C8orf34: variants seen among roughly 807,000 people sequenced by gnomAD.
C8orf34 encodes chromosome 8 open reading frame 34.
In C8orf34, 65 loss-of-function variants were observed where a neutral mutation model predicts 68.3. That is an observed-to-expected ratio of 0.95 (90% confidence interval 0.78 to 1.17). C8orf34 has a LOEUF of 1.17. Ranked by LOEUF, C8orf34 falls within the 50% of genes most tolerant of loss-of-function variation. The pLI is 0.00. For missense variants in C8orf34, 664 were observed against 655.4 expected (o/e 1.01, Z -0.14); for synonymous variants, 244 against 241.2 (o/e 1.01, Z -0.11).
intron 5 of C8orf34, among the ~76,000 whole-genome samples, chr8:68,490,509 G>A (rs1049929027): frequency 3.3e-5 from 5 of 152,080 alleles, no homozygotes; most frequent in South Asian, 2.1e-4. Context: ...CTCTCTTCCC[G>A]GCAGTAGCTC....
intron 1 of C8orf34, among the ~76,000 whole-genome samples, chr8:68,356,237 A>G (rs961351641): frequency 3.3e-5 from 5 of 152,190 alleles, no homozygotes; most frequent in Non-Finnish European, 5.9e-5. Flanking sequence ...TTAGCAGTTT[A>G]TGGGAGACTT....
intron 10 of C8orf34, among the ~76,000 whole-genome samples, chr8:68,768,555 C>T (rs547230254): frequency 2.6e-5 from 4 of 152,246 alleles, no homozygotes; most frequent in African/African-American, 9.6e-5. Flanking sequence ...TTCTGGTTCT[C>T]AATGAAAAGT....
intron 7 of C8orf34, among the ~76,000 whole-genome samples, chr8:68,599,212 G>A (rs145078552): frequency 4.9e-4 from 75 of 151,862 alleles, no homozygotes; most frequent in East Asian, 1.9e-3. Context: ...CTAAATATAC[G>A]TTTCTGAGAG....
intron 7 of C8orf34, among the ~76,000 whole-genome samples, chr8:68,574,004 A>G (rs1453323486): frequency 1.3e-5 from 2 of 152,162 alleles, no homozygotes; most frequent in African/African-American, 4.8e-5. Flanking sequence ...GCGAAGTTCT[A>G]CAGTTAAGAA....
chr8:68,584,883 C>T (rs1817163594), intron 7 of C8orf34, among the ~76,000 whole-genome samples: 1 of 152,064 alleles, frequency 6.6e-6, no homozygotes, highest in African/African-American at 2.4e-5. Context: ...AGATACAGCC[C>T]TTCTCCCTCT....
intron 1 of C8orf34, among the ~76,000 whole-genome samples, chr8:68,408,195 ATGCTC>A (rs1809283347): frequency 6.6e-6 from 1 of 151,680 alleles, no homozygotes; most frequent in East Asian, 1.9e-4. Flanking sequence ...TCTAGGTTAC[ATGCTC>A]CTTATGAGAA....
intron 7 of C8orf34, among the ~76,000 whole-genome samples, chr8:68,618,046 C>A (rs1004848403): frequency 2.6e-5 from 4 of 152,024 alleles, no homozygotes; most frequent in East Asian, 1.9e-4. Flanking sequence ...ACCATCTATA[C>A]CCTTCCTATT....
Position 68,331,157 on chromosome 8 carries a change from A to T in C8orf34, c.145A>T (p.Arg49Trp), listed in dbSNP as rs1488038579. The T allele has an allele frequency of 6.5e-7, 1 of 1,528,658 alleles. No individual in the cohort carries two copies. The highest frequency in any genetic ancestry group is 8.8e-7 in the Non-Finnish European group (1 of 1,141,792). The allele number at this position is 1,528,658 out of a possible 1,614,324, so 94.7% of individuals were successfully genotyped here. A position where few individuals can be genotyped will look rare whatever the true frequency, so the allele number is the denominator to read the frequency against. Residue 49 changes from arginine (R) to tryptophan (W), a missense_variant, in exon 1 of 14, where the codon AGG becomes TGG. Transcript: ENST00000518698. ...CCGAGCCAGCCACGCAGGGCAGCCG[A>T]GGCTCCGGAGCTCCTGTCCCGGCCC... Reference protein sequence around the residue: ...RGRASHAGQPRLRSSCPGPSP... With the variant: ...RGRASHAGQPWLRSSCPGPSP...
chr8:68,503,670 A>T (rs1181605187), intron 5 of C8orf34, among the ~76,000 whole-genome samples: 1 of 151,010 alleles, frequency 6.6e-6, no homozygotes, highest in Non-Finnish European at 1.5e-5. Context: ...TGGAGTAGTT[A>T]TTCTCTTTTC....
At chr8:68,472,953 C>A (rs748071864) in intron 4 of C8orf34, among the ~76,000 whole-genome samples, 10 of 152,116 alleles carry the variant, frequency 6.6e-5, no homozygotes, top group Non-Finnish European at 1.5e-4. Context: ...GACATCACTG[C>A]TCTAACTAAT....
chr8:68,719,022 A>G (rs986889438), intron 9 of C8orf34, among the ~76,000 whole-genome samples: 3 of 152,158 alleles, frequency 2.0e-5, no homozygotes, highest in Admixed American at 1.3e-4. Flanking sequence ...CATATATAAA[A>G]GAAATTGCTC....
chr8:68,508,108 A>G (rs1814104757), intron 5 of C8orf34, among the ~76,000 whole-genome samples: 1 of 152,236 alleles, frequency 6.6e-6, no homozygotes, highest in South Asian at 2.1e-4. Flanking sequence ...TAAGAAACTC[A>G]TCCAGACTCT....
intron 1 of C8orf34, among the ~76,000 whole-genome samples, chr8:68,427,959 T>C (rs905952019): frequency 8.8e-5 from 13 of 148,064 alleles, no homozygotes; most frequent in African/African-American, 2.7e-4. Flanking sequence ...ATATATAATA[T>C]ATAAAATGTA....
At chr8:68,782,101 T>A (rs1823693517) in intron 11 of C8orf34, among the ~76,000 whole-genome samples, 1 of 152,212 alleles carries the variant, frequency 6.6e-6, no homozygotes, top group African/African-American at 2.4e-5. Context: ...TCACTTTAAA[T>A]TTTTCTGTTT....
intron 7 of C8orf34, among the ~76,000 whole-genome samples, chr8:68,575,694 A>G (rs1816881100): frequency 6.6e-6 from 1 of 152,040 alleles, no homozygotes; most frequent in South Asian, 2.1e-4. Context: ...CCTGCTTTTA[A>G]TGGAGTCCTG....
intron 5 of C8orf34, among the ~76,000 whole-genome samples, chr8:68,509,599 C>T (rs140787186): frequency 1.5e-3 from 221 of 151,992 alleles, no homozygotes; most frequent in African/African-American, 5.2e-3. Flanking sequence ...GAGAGAACCA[C>T]GGAGGAGAAA....
At chr8:68,816,792 A>G (rs1824833201) in intron 13 of C8orf34, among the ~76,000 whole-genome samples, 1 of 152,206 alleles carries the variant, frequency 6.6e-6, no homozygotes, top group Non-Finnish European at 1.5e-5. Context: ...ATAATAAAGC[A>G]TGAAAAATGT....
intron 7 of C8orf34, among the ~76,000 whole-genome samples, chr8:68,614,542 G>A (rs1818133573): frequency 6.6e-6 from 1 of 152,152 alleles, no homozygotes; most frequent in Non-Finnish European, 1.5e-5. Context: ...TTATTAAATA[G>A]GGAATCCTTT....
chr8:68,708,882 C>A (rs1244238164), intron 8 of C8orf34, 112 bp from the exon 9 acceptor site: 1 of 738,906 alleles, frequency 1.4e-6, no homozygotes, highest in Non-Finnish European at 2.3e-6. Flanking sequence ...TTTGAACATG[C>A]ATATCTGAGT....
Sources: gnomAD v4.1 joint callset for allele counts (sites outside exome capture counted in the v4.1 genomes callset) on GRCh38, gnomAD v4.1.1 for gene constraint, MANE v1.5 for transcripts, NCBI Gene and HGNC (gene_info 2026-07-23, HGNC 2026-07-21) for gene names.